SRD5A2: variants seen among roughly 807,000 people sequenced by gnomAD.
SRD5A2 encodes the protein 3-oxo-5-alpha-steroid 4-dehydrogenase 2.
A neutral mutation model predicts 27.4 loss-of-function variants in SRD5A2; 30 were observed. That is an observed-to-expected ratio of 1.10 (90% CI 0.82 to 1.49). The LOEUF is 1.49. SRD5A2 is among the 40% of genes most tolerant of loss of function. The pLI is 0.00. For missense variants in SRD5A2, 348 were observed against 323.4 expected, an observed-to-expected ratio of 1.08 and a Z score of -0.58; for synonymous variants, 141 against 133.6, an observed-to-expected ratio of 1.06 and a Z score of -0.38.
chr2:31,639,786 T>C, the SRD5A2 span, among the ~76,000 whole-genome samples: 1 of 152,126 alleles, frequency 6.6e-6, no homozygotes, highest in African/African-American at 2.4e-5. Flanking sequence ...CTCTTTGTCC[T>C]TGACATTTGA....
intron 1 of SRD5A2, among the ~76,000 whole-genome samples, chr2:31,540,261 AG>A (rs1187422005): frequency 2.0e-5 from 3 of 152,166 alleles, no homozygotes; most frequent in Non-Finnish European, 2.9e-5. Flanking sequence ...GCATAAAAAA[AG>A]AAAACACATA....
chr2:31,539,909 G>A (rs1666096314), intron 1 of SRD5A2, among the ~76,000 whole-genome samples: 1 of 152,026 alleles, frequency 6.6e-6, no homozygotes, highest in South Asian at 2.1e-4. Context: ...AGGTTTCAAT[G>A]GAAAATAACT....
intron 1 of SRD5A2, among the ~76,000 whole-genome samples, chr2:31,542,437 A>G (rs976541237): frequency 1.3e-5 from 2 of 152,132 alleles, no homozygotes; most frequent in African/African-American, 2.4e-5. Flanking sequence ...ACCTGAGCCA[A>G]GGAGGTTGAG....
chr2:31,642,926 T>C, the SRD5A2 span, among the ~76,000 whole-genome samples: 1 of 151,986 alleles, frequency 6.6e-6, no homozygotes, highest in Non-Finnish European at 1.5e-5. Context: ...TGCAAAAAAG[T>C]ATATATTCAG....
the SRD5A2 span, among the ~76,000 whole-genome samples, chr2:31,619,437 T>A: frequency 5.3e-5 from 8 of 152,286 alleles, no homozygotes; most frequent in Admixed American, 3.9e-4. Flanking sequence ...ATGATTTACA[T>A]TCCTTTAGGT....
chr2:31,586,083 G>C, the SRD5A2 span, among the ~76,000 whole-genome samples: 1 of 152,010 alleles, frequency 6.6e-6, no homozygotes, highest in Non-Finnish European at 1.5e-5. Flanking sequence ...TTGGGGAACA[G>C]GTGGTGTTTG....
At chr2:31,584,185 C>T (rs1667139137), upstream of SRD5A2, among the ~76,000 whole-genome samples, 1 of 152,074 alleles carries the variant, frequency 6.6e-6, no homozygotes. Flanking sequence ...TTTATAATCT[C>T]CAGGAAACAG....
intron 1 of SRD5A2, among the ~76,000 whole-genome samples, chr2:31,575,078 A>T (rs1017093862): frequency 3.9e-5 from 6 of 152,176 alleles, no homozygotes; most frequent in African/African-American, 1.4e-4. Context: ...CATCCTTAAC[A>T]CATGATTAAG....
intron 1 of SRD5A2, among the ~76,000 whole-genome samples, chr2:31,575,762 A>C (rs1459476500): frequency 6.6e-6 from 1 of 152,170 alleles, no homozygotes; most frequent in Non-Finnish European, 1.5e-5. Flanking sequence ...ATTGCCCAAA[A>C]CCTTTTCACA....
the SRD5A2 span, among the ~76,000 whole-genome samples, chr2:31,610,808 CATACAA>C: frequency 3.5e-4 from 54 of 152,144 alleles, no homozygotes; most frequent in African/African-American, 1.2e-3. Context: ...ACAAAATCAA[CATACAA>C]AAGTCAGTAG....
chr2:31,623,573 G>T, the SRD5A2 span, among the ~76,000 whole-genome samples: 4 of 151,944 alleles, frequency 2.6e-5, no homozygotes, highest in African/African-American at 4.8e-5. Context: ...TCATCCTTGT[G>T]GGTTTATCTA....
At chr2:31,623,326 A>C in the SRD5A2 span, among the ~76,000 whole-genome samples, 1 of 152,132 alleles carries the variant, frequency 6.6e-6, no homozygotes, top group Non-Finnish European at 1.5e-5. Context: ...CATTTGCAAA[A>C]AAACATGGAT....
At chr2:31,593,189 A>G in the SRD5A2 span, among the ~76,000 whole-genome samples, 1 of 152,172 alleles carries the variant, frequency 6.6e-6, no homozygotes, top group Non-Finnish European at 1.5e-5. Context: ...GCAGCACACC[A>G]GCATGGCACA....
At chr2:31,565,846 A>C (rs1360638569) in intron 1 of SRD5A2, among the ~76,000 whole-genome samples, 1 of 152,040 alleles carries the variant, frequency 6.6e-6, no homozygotes, top group African/African-American at 2.4e-5. Context: ...GCACACTAAC[A>C]ATCAAAATAA....
chr2:31,538,492 T>A (rs1176333166), intron 1 of SRD5A2, among the ~76,000 whole-genome samples: 1 of 152,178 alleles, frequency 6.6e-6, no homozygotes, highest in Admixed American at 6.5e-5. Flanking sequence ...GACCACCACA[T>A]TTACTCCACC....
At chr2:31,542,575 A>C (rs1161461957) in intron 1 of SRD5A2, among the ~76,000 whole-genome samples, 2 of 152,208 alleles carry the variant, frequency 1.3e-5, no homozygotes, top group Non-Finnish European at 2.9e-5. Flanking sequence ...TGTATAAAAC[A>C]AAATGACAAT....
chr2:31,652,798 C>T, the SRD5A2 span, among the ~76,000 whole-genome samples: 1 of 152,100 alleles, frequency 6.6e-6, no homozygotes, highest in African/African-American at 2.4e-5. Context: ...CAGATTTTGT[C>T]AGAATTAAAG....
At chr2:31,573,731 T>G (rs1167087062) in intron 1 of SRD5A2, among the ~76,000 whole-genome samples, 3 of 152,162 alleles carry the variant, frequency 2.0e-5, no homozygotes, top group African/African-American at 7.2e-5. Flanking sequence ...TGCCAAAGGA[T>G]GCGTACAGCT....
intron 4 of SRD5A2, among the ~76,000 whole-genome samples, chr2:31,528,728 T>C (rs1665834368): frequency 6.6e-6 from 1 of 152,046 alleles, no homozygotes; most frequent in African/African-American, 2.4e-5. Context: ...ATCGCCCCAT[T>C]GCACTTCAGC....
Sources: gnomAD v4.1 joint callset for allele counts (sites outside exome capture counted in the v4.1 genomes callset) on GRCh38, gnomAD v4.1.1 for gene constraint, MANE v1.5 for transcripts, NCBI Gene and HGNC (gene_info 2026-07-23, HGNC 2026-07-21) for gene names.